The following PPP1R12A variants were observed in gnomAD, a reference collection of about 807,000 sequenced individuals.
The protein encoded by PPP1R12A is myosin binding subunit.
PPP1R12A carries 19 observed loss-of-function variants against 139.6 expected under a neutral mutation model. The observed-to-expected ratio is 0.14, with a 90% CI of 0.09 to 0.20. PPP1R12A has a LOEUF of 0.20. Ranked by LOEUF, PPP1R12A falls within the 10% of genes least tolerant of loss-of-function variation. The pLI is 1.00. For missense variants in PPP1R12A, 925 were observed against 1,211.5 expected (o/e 0.76, Z 3.51); for synonymous variants, 427 against 420.6 (o/e 1.02, Z -0.19).
At chr12:79,889,570 T>A (rs1884406870) in intron 1 of PPP1R12A, among the ~76,000 whole-genome samples, 1 of 152,202 alleles carries the variant, frequency 6.6e-6, no homozygotes, top group Non-Finnish European at 1.5e-5. Context: ...GCTATTTTGA[T>A]ACAATTCTGC....
At chr12:79,875,850 A>T (rs1469730985) in intron 1 of PPP1R12A, among the ~76,000 whole-genome samples, 1 of 152,236 alleles carries the variant, frequency 6.6e-6, no homozygotes, top group Non-Finnish European at 1.5e-5. Flanking sequence ...CTTAAACACC[A>T]AGACAGTACT....
At chr12:79,803,439 T>C (rs1162586901) in intron 14 of PPP1R12A, among the ~76,000 whole-genome samples, 1 of 152,162 alleles carries the variant, frequency 6.6e-6, no homozygotes, top group Non-Finnish European at 1.5e-5. Flanking sequence ...CTTAGAACTA[T>C]ATAGGGTATA....
At chr12:79,839,151 A>C (rs1162919246) in intron 3 of PPP1R12A, among the ~76,000 whole-genome samples, 1 of 152,176 alleles carries the variant, frequency 6.6e-6, no homozygotes, top group Non-Finnish European at 1.5e-5. Context: ...TCATTTTGGA[A>C]CTTTAATGTT....
intron 2 of PPP1R12A, among the ~76,000 whole-genome samples, chr12:79,866,127 G>T (rs750128636): frequency 1.4e-4 from 21 of 152,080 alleles, no homozygotes; most frequent in African/African-American, 4.8e-4. Flanking sequence ...CAGATATACA[G>T]ACCAATGGAA....
At chr12:79,832,571 C>A in intron 3 of PPP1R12A, 80 bp from the exon 4 acceptor site, 1 of 1,339,732 alleles carries the variant, frequency 7.5e-7, no homozygotes, top group South Asian at 1.6e-5. Flanking sequence ...CAAAACATGT[C>A]AAGTTTAAAT....
rs566416456 is a variant in PPP1R12A, at chr12:79,934,626, G to C, written c.237+69C>G. On this transcript the variant is annotated intron_variant, in intron 1 of 24. Coordinates refer to ENST00000450142, the MANE Select transcript of PPP1R12A (RefSeq NM_002480.3). Reference sequence around the variant, plus strand: ...CCAGCCTCAAGAGGTGGAGAACTGAGGGCAGGCCCGAGCAGGAGGCCGACG... The same window carrying C: ...CCAGCCTCAAGAGGTGGAGAACTGACGGCAGGCCCGAGCAGGAGGCCGACG... 2.9e-6 allele frequency: 4 copies of C among 1,386,442 alleles called. No individual in the cohort carries two copies. In the South Asian group the frequency reaches 4.2e-5, roughly 14 times the overall value. The allele number at this position is 1,386,442 out of a possible 1,614,324, so 85.9% of individuals were successfully genotyped here. A position where few individuals can be genotyped will look rare whatever the true frequency, so the allele number is the denominator to read the frequency against.
At chr12:79,902,585 T>C (rs1885748969) in intron 1 of PPP1R12A, among the ~76,000 whole-genome samples, 1 of 152,122 alleles carries the variant, frequency 6.6e-6, no homozygotes, top group Admixed American at 6.5e-5. Flanking sequence ...AAAAAAATTT[T>C]TTTAATTTCA....
At chr12:79,902,652 CCT>C (rs1257210230) in intron 1 of PPP1R12A, among the ~76,000 whole-genome samples, 1 of 152,070 alleles carries the variant, frequency 6.6e-6, no homozygotes, top group Non-Finnish European at 1.5e-5. Context: ...AAAACAATTT[CCT>C]GTTTCCATGC....
At chr12:79,867,250 A>C (rs974979148) in intron 2 of PPP1R12A, among the ~76,000 whole-genome samples, 1 of 152,148 alleles carries the variant, frequency 6.6e-6, no homozygotes, top group Non-Finnish European at 1.5e-5. Flanking sequence ...GTTCTCACTC[A>C]TAAGTGGGAA....
intron 12 of PPP1R12A, among the ~76,000 whole-genome samples, 161 bp from the exon 13 acceptor site, chr12:79,806,494 T>G (rs563398650): frequency 6.6e-6 from 1 of 152,352 alleles, no homozygotes; most frequent in South Asian, 2.1e-4. Flanking sequence ...TACAACTTGC[T>G]AGAGTTTAGA....
At chr12:79,922,104 T>C (rs1592838212) in intron 1 of PPP1R12A, among the ~76,000 whole-genome samples, 1 of 151,876 alleles carries the variant, frequency 6.6e-6, no homozygotes, top group Non-Finnish European at 1.5e-5. Context: ...TAATAATGAT[T>C]TTAAAAGTCA....
At chr12:79,852,423 T>C (rs1880163423) in intron 2 of PPP1R12A, among the ~76,000 whole-genome samples, 1 of 152,110 alleles carries the variant, frequency 6.6e-6, no homozygotes, top group Non-Finnish European at 1.5e-5. Flanking sequence ...CTCAAACTCC[T>C]AGACTCAGGT....
At chr12:79,912,467 G>A (rs1886652125) in intron 1 of PPP1R12A, among the ~76,000 whole-genome samples, 1 of 152,092 alleles carries the variant, frequency 6.6e-6, no homozygotes, top group Non-Finnish European at 1.5e-5. Flanking sequence ...CAAGGCGGGA[G>A]GATCGCTTGA....
At chr12:79,781,412 T>C (rs1870434993) in intron 23 of PPP1R12A, among the ~76,000 whole-genome samples, 1 of 152,216 alleles carries the variant, frequency 6.6e-6, no homozygotes, top group Non-Finnish European at 1.5e-5. Context: ...TTAGAAACTT[T>C]ATTTCAAGAA....
At chr12:79,838,465 G>A (rs1014281103) in intron 3 of PPP1R12A, among the ~76,000 whole-genome samples, 3 of 152,318 alleles carry the variant, frequency 2.0e-5, no homozygotes, top group African/African-American at 4.8e-5. Flanking sequence ...CAAGACAAAG[G>A]GGAAAAGGTC....
chr12:79,894,913 A>G (rs1361870530), intron 1 of PPP1R12A, among the ~76,000 whole-genome samples: 3 of 152,164 alleles, frequency 2.0e-5, no homozygotes, highest in Non-Finnish European at 2.9e-5. Context: ...TCTTAAAACT[A>G]TCTGACAACT....
intron 3 of PPP1R12A, among the ~76,000 whole-genome samples, chr12:79,845,012 T>G (rs1388510231): frequency 6.6e-6 from 1 of 152,236 alleles, no homozygotes; most frequent in Non-Finnish European, 1.5e-5. Context: ...ACTTACCCTG[T>G]GCACTTTCTA....
chr12:79,909,306 T>C (rs1241284523), intron 1 of PPP1R12A, among the ~76,000 whole-genome samples: 1 of 152,228 alleles, frequency 6.6e-6, no homozygotes, highest in Non-Finnish European at 1.5e-5. Flanking sequence ...ATTATATAAG[T>C]GTTTACTATT....
At chr12:79,782,696 C>T (rs1437925400) in intron 22 of PPP1R12A, 1 of 346,398 alleles carries the variant, frequency 2.9e-6, no homozygotes, top group Non-Finnish European at 5.8e-6. Context: ...GATCTCTGTA[C>T]AAACATCTCC....
Sources: allele counts gnomAD v4.1 joint callset (sites outside exome capture counted in the v4.1 genomes callset), GRCh38; gene constraint gnomAD v4.1.1; transcripts MANE v1.5; gene names NCBI Gene and HGNC (gene_info 2026-07-23, HGNC 2026-07-21).